The following NRG1 variants were observed in gnomAD, a reference collection of about 807,000 sequenced individuals.
NRG1 encodes pro-neuregulin-1, membrane-bound isoform.
In NRG1, 18 loss-of-function variants were observed where a neutral mutation model predicts 63.8. The ratio of observed to expected loss-of-function variants is 0.28; its 90% CI spans 0.19 to 0.42. NRG1 has a LOEUF of 0.42. Ranked by LOEUF, NRG1 falls within the 10% of genes least tolerant of loss-of-function variation. The pLI is 1.00. For missense variants in NRG1, 762 were observed against 814.7 expected (o/e 0.94, Z 0.79); for synonymous variants, 302 against 301.3 (o/e 1.00, Z -0.02).
chr8:32,335,634 AG>A (rs1223373939), intron 1 of NRG1, among the ~76,000 whole-genome samples: 2 of 152,208 alleles, frequency 1.3e-5, no homozygotes, highest in East Asian at 3.9e-4. Flanking sequence ...AAAAGACCTC[AG>A]GGCCTTGCAC....
chr8:31,726,373 A>G (rs566619448), intron 1 of NRG1, among the ~76,000 whole-genome samples: 1 of 152,306 alleles, frequency 6.6e-6, no homozygotes, highest in African/African-American at 2.4e-5. Flanking sequence ...TGAGACCTTG[A>G]AGTTCAATGA....
intron 1 of NRG1, among the ~76,000 whole-genome samples, chr8:32,173,801 T>C (rs1020376002): frequency 2.0e-5 from 3 of 152,138 alleles, no homozygotes; most frequent in Non-Finnish European, 4.4e-5. Flanking sequence ...CTATCCTAAA[T>C]ATATATGCAC....
At chr8:32,758,342 A>T (rs1029229103) in intron 9 of NRG1, among the ~76,000 whole-genome samples, 3 of 152,062 alleles carry the variant, frequency 2.0e-5, no homozygotes, top group African/African-American at 4.8e-5. Flanking sequence ...TTTGGGAGGC[A>T]GAGGTGGACG....
chr8:31,789,485 A>T (rs2131650399), intron 1 of NRG1, among the ~76,000 whole-genome samples: 1 of 152,338 alleles, frequency 6.6e-6, no homozygotes, highest in East Asian at 1.9e-4. Context: ...AAATTATATA[A>T]CTGCCCAGGA....
chr8:32,376,235 T>C (rs991726093), intron 1 of NRG1, among the ~76,000 whole-genome samples: 13 of 152,336 alleles, frequency 8.5e-5, no homozygotes, highest in African/African-American at 3.1e-4. Context: ...TTCCTAATAT[T>C]CAGAGCAAAA....
intron 1 of NRG1, among the ~76,000 whole-genome samples, chr8:32,361,506 A>G (rs1429249955): frequency 6.6e-6 from 1 of 152,078 alleles, no homozygotes; most frequent in Non-Finnish European, 1.5e-5. Flanking sequence ...CCAGGAAAAC[A>G]TTACTTCCTC....
At chr8:32,296,406 G>A (rs1372947809) in intron 1 of NRG1, among the ~76,000 whole-genome samples, 1 of 152,054 alleles carries the variant, frequency 6.6e-6, no homozygotes, top group Non-Finnish European at 1.5e-5. Flanking sequence ...CTGAGGTCAG[G>A]AGTTCCAGAC....
intron 1 of NRG1, among the ~76,000 whole-genome samples, chr8:31,704,467 T>C (rs1303798107): frequency 5.3e-5 from 8 of 152,220 alleles, no homozygotes; most frequent in Admixed American, 5.2e-4. Context: ...TCTGATTTTT[T>C]AGTGGCTTTC....
chr8:32,471,860 G>C (rs929565291), intron 1 of NRG1, among the ~76,000 whole-genome samples: 15 of 152,236 alleles, frequency 9.9e-5, no homozygotes, highest in African/African-American at 3.6e-4. Flanking sequence ...AATAACTTTA[G>C]GGCTGGTGCT....
intron 6 of NRG1, among the ~76,000 whole-genome samples, chr8:32,735,340 TA>T (rs1564068621): frequency 6.6e-6 from 1 of 152,232 alleles, no homozygotes; most frequent in Non-Finnish European, 1.5e-5. Flanking sequence ...TAGATTGATT[TA>T]ATTATTCAAC....
intron 1 of NRG1, among the ~76,000 whole-genome samples, chr8:31,661,731 A>G (rs1053922236): frequency 6.6e-6 from 1 of 152,230 alleles, no homozygotes; most frequent in Non-Finnish European, 1.5e-5. Context: ...CTGGATGTCC[A>G]CAGTTTAAAT....
At chr8:32,503,099 C>A (rs914393777) in intron 1 of NRG1, among the ~76,000 whole-genome samples, 67 of 149,918 alleles carry the variant, frequency 4.5e-4, no homozygotes, top group Non-Finnish European at 7.5e-4. Context: ...TCCTGGCTAA[C>A]ACAATGAAAC....
chr8:31,687,962 C>T (rs979465844), intron 1 of NRG1, among the ~76,000 whole-genome samples: 1 of 152,246 alleles, frequency 6.6e-6, no homozygotes, highest in Non-Finnish European at 1.5e-5. Flanking sequence ...TGACAACACT[C>T]CCTACATCTG....
rs1164696498 is a variant in NRG1 at position 32,366,677 on chromosome 8, G to GTGTATATA, written c.38-229150_38-229149insGTATATAT. The stretch of plus-strand genomic sequence containing the variant: ...ATTGTGTGTGTGTGTGTGTGTGTGT[G>GTGTATATA]TATATATATATATATATATATATAT... On this transcript the variant is annotated intron_variant, in intron 1 of 10. Coordinates refer to the NRG1 transcript ENST00000519301. Among the ~76,000 whole-genome samples, 530 of 87,072 alleles carry GTGTATATA rather than the reference G, an allele frequency of 6.1e-3. 3 individuals are homozygous for GTGTATATA. The highest frequency in any genetic ancestry group is 9.0e-3 in the East Asian group (25 of 2,792). The allele number at this position is 87,072 out of a possible 152,430, so 57.1% of individuals were successfully genotyped here.
intron 1 of NRG1, among the ~76,000 whole-genome samples, chr8:31,887,694 C>A (rs1448448524): frequency 6.6e-6 from 1 of 151,978 alleles, no homozygotes; most frequent in Non-Finnish European, 1.5e-5. Context: ...GTCATTTTAT[C>A]TGAGGAAAGA....
At chr8:32,270,278 C>A (rs1851408812) in intron 1 of NRG1, among the ~76,000 whole-genome samples, 1 of 152,146 alleles carries the variant, frequency 6.6e-6, no homozygotes, top group Non-Finnish European at 1.5e-5. Context: ...ATTGTCCAAG[C>A]CGTCAAGGAG....
At chr8:32,212,003 G>A (rs1844751259) in intron 1 of NRG1, among the ~76,000 whole-genome samples, 1 of 151,990 alleles carries the variant, frequency 6.6e-6, no homozygotes, top group African/African-American at 2.4e-5. Flanking sequence ...TTCCCAAATA[G>A]ATAAACATTT....
At chr8:32,690,532 G>T (rs1168590116) in intron 5 of NRG1, among the ~76,000 whole-genome samples, 3 of 143,080 alleles carry the variant, frequency 2.1e-5, no homozygotes, top group Admixed American at 1.4e-4. Context: ...GTAGTAGGTG[G>T]TATAGCTGCA....
At chr8:32,010,106 C>T (rs1427504857) in intron 1 of NRG1, among the ~76,000 whole-genome samples, 1 of 152,062 alleles carries the variant, frequency 6.6e-6, no homozygotes, top group African/African-American at 2.4e-5. Flanking sequence ...GCACCTTCAG[C>T]AAACAAGGCT....
Sources: gnomAD v4.1 joint callset for allele counts (sites outside exome capture counted in the v4.1 genomes callset) on GRCh38, gnomAD v4.1.1 for gene constraint, MANE v1.5 for transcripts, NCBI Gene and HGNC (gene_info 2026-07-23, HGNC 2026-07-21) for gene names.